The following RREB1 variants were observed in gnomAD, a reference collection of about 807,000 sequenced individuals.
The protein encoded by RREB1 is ras responsive element binding protein 1.
In RREB1, 27 loss-of-function variants were observed where a neutral mutation model predicts 117.8. The ratio of observed to expected loss-of-function variants is 0.23; its 90% CI spans 0.17 to 0.32. The LOEUF (loss-of-function observed/expected upper bound fraction) is 0.32, where lower values mean the gene tolerates loss of function less well. Among genes scored for constraint, RREB1 ranks in the 10% least tolerant of loss-of-function variants. RREB1 has a pLI of 1.00. For missense variants in RREB1, 2,577 were observed against 2,378.2 expected (o/e 1.08, Z -1.74); for synonymous variants, 1,298 against 1,026.7 (o/e 1.26, Z -5.05).
At chr6:7,114,746 G>A (rs569609865) in intron 1 of RREB1, among the ~76,000 whole-genome samples, 1 of 152,316 alleles carries the variant, frequency 6.6e-6, no homozygotes, top group East Asian at 1.9e-4. Flanking sequence ...TGGCAAGTTC[G>A]AAGTTTCACA....
chr6:7,179,562 A>G (rs1423991483), intron 2 of RREB1, among the ~76,000 whole-genome samples: 4 of 152,242 alleles, frequency 2.6e-5, no homozygotes, highest in Non-Finnish European at 4.4e-5. Flanking sequence ...ATACGTATTT[A>G]AAAGAAGGAG....
chr6:7,125,788 C>T (rs1187484453), intron 1 of RREB1, among the ~76,000 whole-genome samples: 1 of 152,044 alleles, frequency 6.6e-6, no homozygotes, highest in African/African-American at 2.4e-5. Context: ...ACTTTTCAAG[C>T]AGGAAGAGCC....
At chr6:7,176,300 A>G (rs1040966364) in intron 1 of RREB1, among the ~76,000 whole-genome samples, 2 of 152,126 alleles carry the variant, frequency 1.3e-5, no homozygotes, top group African/African-American at 2.4e-5. Flanking sequence ...CTCTTGTTAA[A>G]CTGGCAGTCT....
At chr6:7,131,245 C>A (rs965057613) in intron 1 of RREB1, among the ~76,000 whole-genome samples, 1 of 152,052 alleles carries the variant, frequency 6.6e-6, no homozygotes, top group Non-Finnish European at 1.5e-5. Context: ...TTCTAAGAAG[C>A]AAATATGTAC....
chr6:7,147,452 G>A (rs932152105), intron 1 of RREB1, among the ~76,000 whole-genome samples: 11 of 152,174 alleles, frequency 7.2e-5, no homozygotes, highest in Non-Finnish European at 1.3e-4. Flanking sequence ...GGCCACGTGT[G>A]TAGATAACCT....
intron 1 of RREB1, among the ~76,000 whole-genome samples, chr6:7,149,387 A>C (rs964637533): frequency 2.0e-5 from 3 of 152,220 alleles, no homozygotes; most frequent in African/African-American, 7.2e-5. Flanking sequence ...ACTGAACTTA[A>C]AGGAAGTCTC....
intron 6 of RREB1, among the ~76,000 whole-genome samples, chr6:7,204,539 A>G (rs1766164812): frequency 6.6e-6 from 1 of 152,130 alleles, no homozygotes; most frequent in African/African-American, 2.4e-5. Flanking sequence ...TTGTTGGACA[A>G]AAAAAAGCGA....
chr6:7,231,170 T>C lies in RREB1; in HGVS notation c.3071T>C (p.Val1024Ala), dbSNP rs1561797989. ...GTCCCAATCTACTCCTCAGCCCTGG[T>C]CAGCAGCCCTCCACTCGTGGGCAGC... ...LAVPIYSSAL[V>A]SSPPLVGSSA... Residue 1024 changes from valine (V) to alanine (A), a missense_variant, in exon 10 of 13, where the codon GTC (valine) becomes GCC (alanine). Transcript: ENST00000379938. The C allele has an allele frequency of 6.2e-7, 1 of 1,611,696 alleles. No individual in the cohort carries two copies. The highest frequency in any genetic ancestry group is 1.1e-5 in the South Asian group (1 of 91,046).
At chr6:7,207,576 T>C (rs1382785407) in intron 6 of RREB1, among the ~76,000 whole-genome samples, 3 of 152,220 alleles carry the variant, frequency 2.0e-5, no homozygotes, top group African/African-American at 4.8e-5. Flanking sequence ...TCCCTTTATG[T>C]ACCTTCTGGA....
chr6:7,231,449 C>T lies in RREB1; in HGVS notation c.3350C>T (p.Pro1117Leu), dbSNP rs780852600. Residue 1117 changes from proline to leucine, a missense_variant, in exon 10 of 13, where the codon CCC becomes CTC. Transcript: ENST00000379938. Reference protein sequence around the residue: ...SVPKAATTATPAATTSPKESS... With the variant: ...SVPKAATTATLAATTSPKESS... ...CCCAAAGCCGCCACCACCGCCACCCCCGCTGCCACCACCAGCCCAAAAGAG... is the reference window on the plus strand; with the variant it reads ...CCCAAAGCCGCCACCACCGCCACCCTCGCTGCCACCACCAGCCCAAAAGAG... 3.1e-4 allele frequency: 494 copies of T among 1,612,908 alleles called. 2 individuals are homozygous for T. The highest frequency in any genetic ancestry group is 4.1e-4 in the Non-Finnish European group (482 of 1,179,874).
At chr6:7,165,618 T>C (rs1450305699) in intron 1 of RREB1, among the ~76,000 whole-genome samples, 1 of 152,216 alleles carries the variant, frequency 6.6e-6, no homozygotes, top group East Asian at 1.9e-4. Context: ...ATCTGTGTGC[T>C]ACAGAGATTT....
At chr6:7,196,062 C>T (rs1765650371) in intron 6 of RREB1, among the ~76,000 whole-genome samples, 1 of 152,166 alleles carries the variant, frequency 6.6e-6, no homozygotes, top group Non-Finnish European at 1.5e-5. Flanking sequence ...TCCTCCTGCT[C>T]ACCCCCTGCT....
intron 1 of RREB1, among the ~76,000 whole-genome samples, chr6:7,130,956 T>G (rs1185795842): frequency 6.4e-5 from 7 of 110,016 alleles, no homozygotes. Flanking sequence ...TTTTTTTTTT[T>G]GAGACGGAGT....
chr6:7,162,051 C>G (rs543618862), intron 1 of RREB1, among the ~76,000 whole-genome samples: 12 of 152,268 alleles, frequency 7.9e-5, no homozygotes, highest in Middle Eastern at 3.4e-3. Context: ...ATTCTGCCAG[C>G]CGCATCTTTG....
rs1436766792 is a variant in RREB1 at position 7,247,124 on chromosome 6, G to C, written c.4674G>C (p.Val1558=). The C allele has an allele frequency of 6.2e-7, 1 of 1,613,800 alleles. No individual in the cohort carries two copies. Among genetic ancestry groups the C allele is most frequent in the Non-Finnish European group, 8.5e-7 (1 of 1,180,018 alleles). The stretch of plus-strand genomic sequence containing the variant: ...CAAAGACAGACTCCCCCAAAAGCGT[G>C]GCCAGCAAGGCAGACAAGAGGAAGA... ...KKPKTDSPKS[V]ASKADKRKKV... Residue 1558 remains valine (V), a synonymous_variant, in exon 12 of 13, where the codon GTG becomes GTC. Coordinates refer to ENST00000379938, the MANE Select transcript of RREB1 (RefSeq NM_001003699.4).
In RREB1 at chr6:7,211,814, G is replaced by C. The variant is rs1206405794; in HGVS notation, c.707+105G>C. 1.7e-4 allele frequency: 207 copies of C among 1,226,066 alleles called. 1 individual carries two copies. The highest frequency in any genetic ancestry group is 4.6e-6 in the Non-Finnish European group (4 of 864,188). The allele number at this position is 1,226,066 out of a possible 1,614,324, so 75.9% of individuals were successfully genotyped here. On this transcript the variant is annotated intron_variant, in intron 8 of 12. Transcript: ENST00000379938. ...ACACCGGGCTCCAGTGATTGAACTT[G>C]GGCACAACAACATTAGGGAGGCAGT... is the stretch of plus-strand genomic sequence containing the variant.
At position 7,229,367 on chromosome 6, in the gene RREB1, C is replaced by T. The variant is rs1211854045; in HGVS notation, c.1268C>T (p.Ser423Phe). ...SPFEAASLGG[S>F]LTVLPATKDS... is the part of the protein sequence containing the mutation. Reference sequence around the variant, plus strand: ...TTCGAAGCTGCTTCCCTAGGCGGTTCTCTCACAGTTCTCCCCGCGACCAAG... The same window carrying T: ...TTCGAAGCTGCTTCCCTAGGCGGTTTTCTCACAGTTCTCCCCGCGACCAAG... The change falls in exon 10 of 13, where the codon TCT becomes TTT. Residue 423 changes from serine to phenylalanine, a missense_variant. By Grantham distance (155) the Ser-to-Phe change is radical (BLOSUM62 -2). Transcript: ENST00000379938. The surrounding 1 kb of genome is among the most constrained non-coding windows in gnomAD (Gnocchi z 4.5). 1 of 1,614,066 alleles carries T rather than the reference C, an allele frequency of 6.2e-7. No individual in the cohort carries two copies. Among genetic ancestry groups the T allele is most frequent in the Non-Finnish European group, 8.5e-7 (1 of 1,180,004 alleles).
chr6:7,140,317 C>T (rs997093745), intron 1 of RREB1, among the ~76,000 whole-genome samples: 2 of 152,144 alleles, frequency 1.3e-5, no homozygotes, highest in African/African-American at 4.8e-5. Flanking sequence ...CTATCAAAGA[C>T]GTAATGCAAC....
rs753046251 is a variant in RREB1 at position 7,230,848 on chromosome 6, A to G, written c.2749A>G (p.Ile917Val). 11 of 1,614,064 alleles carry G rather than the reference A, an allele frequency of 6.8e-6. No individual in the cohort carries two copies. The highest frequency in any genetic ancestry group is 5.0e-5 in the Admixed American group (3 of 60,006). ...LALVQVKQEN[I>V]SFLSPSSLVP... The stretch of plus-strand genomic sequence containing the variant: ...CCTGGTCCAAGTGAAGCAGGAAAAC[A>G]TCTCCTTTCTGAGCCCTTCTTCCCT... The change falls in exon 10 of 13, where the codon ATC becomes GTC. Residue 917 changes from isoleucine (I) to valine (V), a missense_variant. Physicochemically the swap from Ile to Val is conservative, Grantham distance 29 (BLOSUM62 3). Transcript: ENST00000379938.
Sources: gnomAD v4.1 joint callset for allele counts (sites outside exome capture counted in the v4.1 genomes callset) on GRCh38, gnomAD v4.1.1 for gene constraint, Gnocchi (gnomAD v3.1) non-coding constraint, MANE v1.5 for transcripts, NCBI Gene and HGNC (gene_info 2026-07-23, HGNC 2026-07-21) for gene names.